Variants in GPM6B observed in about 807,000 individuals in gnomAD.
The protein encoded by GPM6B is glycoprotein M6B.
In GPM6B, 4 loss-of-function variants were observed where a neutral mutation model predicts 27.2. The ratio of observed to expected loss-of-function variants is 0.15; its 90% CI spans 0.07 to 0.34. GPM6B has a LOEUF of 0.34. Ranked by LOEUF, GPM6B falls within the 10% of genes least tolerant of loss-of-function variation. The pLI, the probability that GPM6B is intolerant of heterozygous loss-of-function variation, is 1.00. For synonymous variants in GPM6B, 124 were observed against 103.1 expected (o/e 1.20, Z -1.23); for missense variants, 183 against 261.9 (o/e 0.70, Z 2.08).
intron 1 of GPM6B, among the ~76,000 whole-genome samples, chrX:13,808,067 C>T (rs111812028): frequency 0.033 from 3,732 of 111,802 alleles, 154 homozygotes; most frequent in African/African-American, 0.11. Flanking sequence ...AAATTTGGCT[C>T]CTCACAATAA....
intron 1 of GPM6B, among the ~76,000 whole-genome samples, chrX:13,926,425 CAA>C (rs1250788798): frequency 1.1e-4 from 2 of 17,736 alleles, no homozygotes; most frequent in East Asian, 6.1e-4. Flanking sequence ...AACAAACAAA[CAA>C]AAAAAAAAAA....
At chrX:13,846,942 G>T (rs1365545661) in intron 1 of GPM6B, among the ~76,000 whole-genome samples, 1 of 109,831 alleles carries the variant, frequency 9.1e-6, no homozygotes, top group African/African-American at 3.3e-5. Flanking sequence ...TATGAGGAGG[G>T]TGAGTGCTTT....
intron 1 of GPM6B, among the ~76,000 whole-genome samples, chrX:13,917,641 T>C (rs981428050): frequency 8.9e-6 from 1 of 112,409 alleles, no homozygotes; most frequent in African/African-American, 3.2e-5. Context: ...GAGACTAGAA[T>C]ATGTCCACAT....
intron 2 of GPM6B, among the ~76,000 whole-genome samples, chrX:13,800,876 T>C (rs1037452103): frequency 2.7e-5 from 3 of 109,980 alleles, no homozygotes; most frequent in Non-Finnish European, 5.7e-5. Flanking sequence ...GGTCTTGCTA[T>C]GTTGCCCAGG....
At chrX:13,828,558 A>T (rs182848150) in intron 1 of GPM6B, among the ~76,000 whole-genome samples, 1 of 112,244 alleles carries the variant, frequency 8.9e-6, no homozygotes, top group East Asian at 2.8e-4. Context: ...AATGACTAAT[A>T]CGCAAAGTCA....
intron 2 of GPM6B, among the ~76,000 whole-genome samples, chrX:13,788,777 G>A (rs771793554): frequency 2.3e-3 from 252 of 109,981 alleles, no homozygotes; most frequent in Non-Finnish European, 4.0e-3. Context: ...TTAGAAGAAT[G>A]ATGCTGTTCA....
chrX:13,844,272 A>G (rs1354327441), intron 1 of GPM6B, among the ~76,000 whole-genome samples: 1 of 112,666 alleles, frequency 8.9e-6, no homozygotes, highest in Non-Finnish European at 1.9e-5. Flanking sequence ...TTCTTAGGCC[A>G]GTACCACACG....
At chrX:13,931,408 A>C (rs1485266303) in intron 1 of GPM6B, among the ~76,000 whole-genome samples, 2 of 107,719 alleles carry the variant, frequency 1.9e-5, no homozygotes, top group Non-Finnish European at 3.8e-5. Flanking sequence ...GAATGGCGTG[A>C]ACCCAGGAGG....
intron 1 of GPM6B, among the ~76,000 whole-genome samples, chrX:13,824,656 C>T (rs2049350787): frequency 8.9e-6 from 1 of 111,760 alleles, no homozygotes; most frequent in African/African-American, 3.3e-5. Context: ...ACTGCATACT[C>T]ACCTGAGGCA....
At chrX:13,829,921 G>A (rs1016000372) in intron 1 of GPM6B, among the ~76,000 whole-genome samples, 2 of 105,482 alleles carry the variant, frequency 1.9e-5, no homozygotes, top group Non-Finnish European at 3.9e-5. Context: ...CAGAGAATCA[G>A]GCAAGCAGGG....
In GPM6B at chrX:13,770,976, C is replaced by T. The variant is rs1331000548; in HGVS notation, c.*1905G>A. 1 of 112,371 alleles carries T rather than the reference C, an allele frequency of 8.9e-6. No individual in the cohort carries two copies. The highest frequency in any genetic ancestry group is 3.2e-5 in the African/African-American group (1 of 30,842). The allele number at this position is 112,371 out of a possible 1,213,427, so 9.3% of individuals were successfully genotyped here. A position where few individuals can be genotyped will look rare whatever the true frequency, so the allele number is the denominator to read the frequency against. On this transcript the variant is annotated 3_prime_UTR_variant, in exon 8 of 8. Transcript: ENST00000316715. ...TAATTTTATTTCATTACTCTTAGTA[C>T]ATCCACAACTATTTCCACCTAAATA...
intron 1 of GPM6B, among the ~76,000 whole-genome samples, chrX:13,851,163 C>CA (rs10652819): frequency 0.024 from 1,433 of 60,101 alleles, 23 homozygotes; most frequent in African/African-American, 0.041. Context: ...ACTCCATCTC[C>CA]AAAAAAAAAA....
intron 1 of GPM6B, among the ~76,000 whole-genome samples, chrX:13,896,892 T>C (rs2050238610): frequency 8.9e-6 from 1 of 112,256 alleles, no homozygotes; most frequent in Non-Finnish European, 1.9e-5. Flanking sequence ...CTATGTTTGC[T>C]CTAACACAGG....
intron 1 of GPM6B, among the ~76,000 whole-genome samples, chrX:13,845,300 C>G (rs1370921172): frequency 9.2e-6 from 1 of 108,691 alleles, no homozygotes; most frequent in Non-Finnish European, 1.9e-5. Flanking sequence ...AGAATGTTTT[C>G]TTTTCTATAG....
chrX:13,815,636 T>TA (rs942176233), intron 1 of GPM6B, among the ~76,000 whole-genome samples: 8 of 111,759 alleles, frequency 7.2e-5, no homozygotes, highest in Non-Finnish European at 1.3e-4. Flanking sequence ...GTGTGATACC[T>TA]AAAAAAATTA....
At chrX:13,885,535 G>A (rs2050126649) in intron 1 of GPM6B, among the ~76,000 whole-genome samples, 1 of 111,975 alleles carries the variant, frequency 8.9e-6, no homozygotes, top group South Asian at 3.7e-4. Context: ...TCCTAGAGGT[G>A]GCCCTGGCCT....
intron 1 of GPM6B, among the ~76,000 whole-genome samples, chrX:13,916,898 T>A (rs1490682585): frequency 9.0e-6 from 1 of 111,316 alleles, no homozygotes; most frequent in African/African-American, 3.3e-5. Flanking sequence ...GTACAATTCA[T>A]CACTGTGCCC....
intron 1 of GPM6B, among the ~76,000 whole-genome samples, chrX:13,823,822 C>T (rs2049339979): frequency 8.9e-6 from 1 of 112,326 alleles, no homozygotes; most frequent in Non-Finnish European, 1.9e-5. Flanking sequence ...CCAGCTTCCA[C>T]TGAACCTCAT....
chrX:13,803,622 G>C lies in GPM6B; in HGVS notation c.181+4028C>G, dbSNP rs186009893. On this transcript the variant is annotated intron_variant, in intron 2 of 7. Transcript: ENST00000316715. ...AACTGTATATAAAGAACCATTCTTA[G>C]TCCACTAAAAATGGCAGCCTATATT... Among the ~76,000 whole-genome samples, 12 of 112,104 alleles carry C rather than the reference G, an allele frequency of 1.1e-4. No individual in the cohort carries two copies. The East Asian group carries it at 1.7e-3, about 16-fold the overall frequency.
Sources: gnomAD v4.1 joint callset for allele counts (sites outside exome capture counted in the v4.1 genomes callset) on GRCh38, gnomAD v4.1.1 for gene constraint, MANE v1.5 for transcripts, NCBI Gene and HGNC (gene_info 2026-07-23, HGNC 2026-07-21) for gene names.